Variants in BTN3A2 observed in about 807,000 individuals in gnomAD.
The protein encoded by BTN3A2 is butyrophilin subfamily 3 member A2.
Under a neutral mutation model 37.6 loss-of-function variants are expected in BTN3A2, and 25 were observed. The observed-to-expected ratio is 0.66, with a 90% CI of 0.48 to 0.93. The LOEUF is 0.93. BTN3A2 is among the 40% of genes least tolerant of loss of function. The pLI is 0.00. For synonymous variants in BTN3A2, 122 were observed against 159.4 expected (o/e 0.77, Z 1.77); for missense variants, 266 against 410.9 (o/e 0.65, Z 3.05).
chr6:26,375,339 G>C, intron 10 of BTN3A2: 1 of 358,012 alleles, frequency 2.8e-6, no homozygotes, highest in Non-Finnish European at 5.2e-6. Context: ...TAGCCTGGGA[G>C]GGCTAAAAAG....
At chr6:26,368,501 G>A (rs762143341) in intron 3 of BTN3A2, 64 bp from the exon 4 acceptor site, 1 of 1,613,188 alleles carries the variant, frequency 6.2e-7, no homozygotes, top group Non-Finnish European at 8.5e-7. Flanking sequence ...GTCTGAGAAG[G>A]ACCCTTCCTC....
In BTN3A2 at chr6:26,376,062, AATT is replaced by A. The variant is rs1760684406; in HGVS notation, c.*302_*304del. On this transcript the variant is annotated 3_prime_UTR_variant, in exon 11 of 11. Transcript: ENST00000377708. ...TCTACTAAAAATACAAAAAATAAAA[AATT>A]AGCCGGGCATGGTGACGGGCACCTG... 1 of 413,378 alleles carries A rather than the reference AATT, an allele frequency of 2.4e-6. No homozygotes were observed. Among genetic ancestry groups the A allele is most frequent in the Non-Finnish European group, 4.3e-6 (1 of 234,776 alleles). The allele number at this position is 413,378 out of a possible 1,614,324, so 25.6% of individuals were successfully genotyped here.
In BTN3A2 at chr6:26,378,294, A is replaced by C. The variant is rs1313855076; in HGVS notation, c.*2532A>C. On this transcript the variant is annotated 3_prime_UTR_variant, in exon 11 of 11. Coordinates refer to ENST00000377708, the MANE Select transcript of BTN3A2 (RefSeq NM_007047.5). Reference sequence around the variant, plus strand: ...CTTGTCAAGTTCTAGTTGTTCAATAAATTTGTTAATAATGCTGACTCTTCA... The same window carrying C: ...CTTGTCAAGTTCTAGTTGTTCAATACATTTGTTAATAATGCTGACTCTTCA... 2.0e-5 allele frequency: 3 copies of C among 152,160 alleles called. No homozygotes were observed. In the East Asian group the frequency reaches 5.8e-4, roughly 29 times the overall value. The allele number at this position is 152,160 out of a possible 1,614,324, so 9.4% of individuals were successfully genotyped here.
chr6:26,372,117 T>C (rs1178859699), intron 5 of BTN3A2, among the ~76,000 whole-genome samples: 1 of 152,162 alleles, frequency 6.6e-6, no homozygotes, highest in Non-Finnish European at 1.5e-5. Flanking sequence ...TCTATACTAA[T>C]ATGGAAAGAT....
chr6:26,373,632 A>AG (rs1347452598), intron 8 of BTN3A2: 1 of 478,834 alleles, frequency 2.1e-6, no homozygotes, highest in Admixed American at 3.9e-5. Flanking sequence ...TCTTTGTACT[A>AG]GGGGCTACAG....
Position 26,375,946 on chromosome 6 carries a change from C to CTGGAT in BTN3A2, c.*184_*185insTGGAT. The CTGGAT allele has an allele frequency of 7.7e-7, 1 of 1,297,002 alleles. No individual in the cohort carries two copies. 80.3% of individuals were successfully genotyped at this position (1,297,002 alleles called of 1,614,324 possible). A position where few individuals can be genotyped will look rare whatever the true frequency, so the allele number is the denominator to read the frequency against. The stretch of plus-strand genomic sequence containing the variant: ...CTGAGGGCCAGCACAGCAGCTCATG[C>CTGGAT]CTGTAATCCTAGCACTTTGGAAGGC... On this transcript the variant is annotated 3_prime_UTR_variant, in exon 11 of 11. Transcript: ENST00000377708.
At chr6:26,375,404 G>A in intron 10 of BTN3A2, 1 of 438,074 alleles carries the variant, frequency 2.3e-6, no homozygotes, top group South Asian at 4.5e-5. Flanking sequence ...GGAGCTTCCT[G>A]AGAAGAGTCC....
At chr6:26,375,179 A>G (rs1254356769) in intron 10 of BTN3A2, 1 of 238,520 alleles carries the variant, frequency 4.2e-6, no homozygotes, top group African/African-American at 2.3e-5. Flanking sequence ...AGGAATAATG[A>G]ACATGCTTGG....
intron 5 of BTN3A2, 112 bp downstream of exon 5, chr6:26,370,715 A>G: frequency 6.5e-7 from 1 of 1,533,774 alleles, no homozygotes; most frequent in Non-Finnish European, 8.8e-7. Context: ...TATAAGGCCC[A>G]AAGCACAGAC....
At chr6:26,368,477 A>T (rs776218157) in intron 3 of BTN3A2, 88 bp from the exon 4 acceptor site, 1 of 1,599,932 alleles carries the variant, frequency 6.3e-7, no homozygotes, top group Non-Finnish European at 8.6e-7. Flanking sequence ...GGTTCTCTGT[A>T]TCTCGCCTTC....
chr6:26,373,237 CTTTTTT>C (rs750198408), intron 6 of BTN3A2, 33 bp from the exon 7 acceptor site: 437 of 1,351,544 alleles, frequency 3.2e-4, no homozygotes, highest in Non-Finnish European at 3.4e-4. Context: ...AACAGTTCAT[CTTTTTT>C]TTTTTTTTTT....
At chr6:26,373,125 C>T in intron 6 of BTN3A2, 28 bp downstream of exon 6, 1 of 1,611,174 alleles carries the variant, frequency 6.2e-7, no homozygotes, top group South Asian at 1.1e-5. Flanking sequence ...AGAATCTAAG[C>T]TCTTGGCTTG....
intron 8 of BTN3A2, 94 bp from the exon 9 acceptor site, chr6:26,374,233 A>ATGGATGC: frequency 6.1e-6 from 3 of 491,300 alleles, no homozygotes; most frequent in African/African-American, 2.3e-5. Context: ...AAAAAAAAAA[A>ATGGATGC]AAAAAAAGAC....
At position 26,375,982 on chromosome 6, in the gene BTN3A2, G is replaced by A. The variant is rs181656598; in HGVS notation, c.*220G>A. On this transcript the variant is annotated 3_prime_UTR_variant, in exon 11 of 11. Coordinates refer to ENST00000377708, the MANE Select transcript of BTN3A2 (RefSeq NM_007047.5). ...AGCACTTTGGAAGGCTGAGGAGGGC[G>A]GATCACAAGGTCAGGAGATCAAGAC... is the stretch of plus-strand genomic sequence containing the variant. The A allele has an allele frequency of 5.0e-4, 453 of 905,388 alleles. 6 individuals are homozygous for A. In the African/African-American group the frequency reaches 6.4e-3, roughly 13 times the overall value. The allele number at this position is 905,388 out of a possible 1,614,324, so 56.1% of individuals were successfully genotyped here.
At chr6:26,374,749 A>G (rs1313347440) in intron 9 of BTN3A2, 22 bp from the exon 10 acceptor site, 15 of 1,525,922 alleles carry the variant, frequency 9.8e-6, no homozygotes, top group Non-Finnish European at 1.4e-5. Flanking sequence ...CCTTTTTCTT[A>G]TCTGTGTCTC....
In BTN3A2 at chr6:26,376,983, G is replaced by A. The variant is rs1415087018; in HGVS notation, c.*1221G>A. 45 of 1,509,440 alleles carry A rather than the reference G, an allele frequency of 3.0e-5. No individual in the cohort carries two copies. In the South Asian group the frequency reaches 4.7e-4, roughly 16 times the overall value. 93.5% of individuals were successfully genotyped at this position (1,509,440 alleles called of 1,614,324 possible). Reference sequence around the variant, plus strand: ...GACTGGACATATCTCGTTCTACAATGCCACGGATGGATCTCATATCTACAC... The same window carrying A: ...GACTGGACATATCTCGTTCTACAATACCACGGATGGATCTCATATCTACAC... On this transcript the variant is annotated 3_prime_UTR_variant, in exon 11 of 11. Coordinates refer to ENST00000377708, the MANE Select transcript of BTN3A2 (RefSeq NM_007047.5).
intron 9 of BTN3A2, 186 bp downstream of exon 9, chr6:26,374,559 C>T (rs1760516543): frequency 2.4e-6 from 2 of 838,482 alleles, no homozygotes; most frequent in East Asian, 2.7e-5. Context: ...TAAAGCCTGG[C>T]CATGCATCCT....
In BTN3A2 at chr6:26,365,267, G is replaced by A; in HGVS notation, c.-152G>A. On this transcript the variant is annotated 5_prime_UTR_variant, in exon 1 of 11. Coordinates refer to ENST00000377708, the MANE Select transcript of BTN3A2 (RefSeq NM_007047.5). ...CTTTTTCCTTTCTTCCGGATGAGAG[G>A]CTAAGCCATAATAGAAAGAATGGAG... 2.0e-6 allele frequency: 3 copies of A among 1,512,502 alleles called. No individual in the cohort carries two copies. In the South Asian group the frequency reaches 3.6e-5, roughly 18 times the overall value. The allele number at this position is 1,512,502 out of a possible 1,614,324, so 93.7% of individuals were successfully genotyped here. A position where few individuals can be genotyped will look rare whatever the true frequency, so the allele number is the denominator to read the frequency against.
chr6:26,370,383 G>A lies in BTN3A2; in HGVS notation c.495G>A (p.Glu165=). The change falls in exon 5 of 11, where the codon GAG becomes GAA. Residue 165 remains glutamate (E), a synonymous_variant. Transcript: ENST00000377708. ...KGYEDGGIHL[E]CRSTGWYPQP... is the part of the protein sequence containing the mutation. ...ATGAGGATGGAGGGATCCATCTGGA[G>A]TGCAGGTCCACCGGCTGGTACCCCC... 1 of 1,614,192 alleles carries A rather than the reference G, an allele frequency of 6.2e-7. No homozygotes were observed.
Sources: allele counts gnomAD v4.1 joint callset (sites outside exome capture counted in the v4.1 genomes callset), GRCh38; gene constraint gnomAD v4.1.1; transcripts MANE v1.5; gene names NCBI Gene and HGNC (gene_info 2026-07-23, HGNC 2026-07-21).